The following CLPTM1L variants were observed in gnomAD, a reference collection of about 807,000 sequenced individuals.
The protein encoded by CLPTM1L is lipid scramblase CLPTM1L.
Under a neutral mutation model 70.9 loss-of-function variants are expected in CLPTM1L, and 38 were observed. The ratio of observed to expected loss-of-function variants is 0.54; its 90% CI spans 0.41 to 0.70. The LOEUF (loss-of-function observed/expected upper bound fraction) is 0.70. Ranked by LOEUF, CLPTM1L falls within the 30% of genes least tolerant of loss-of-function variation. The pLI, the probability that CLPTM1L is intolerant of heterozygous loss-of-function variation, is 0.00. For synonymous variants in CLPTM1L, 339 were observed against 299.9 expected (o/e 1.13, Z -1.35); for missense variants, 652 against 705.9 (o/e 0.92, Z 0.87).
chr5:1,340,407 C>T (rs896478357), intron 3 of CLPTM1L, among the ~76,000 whole-genome samples: 1 of 152,202 alleles, frequency 6.6e-6, no homozygotes, highest in Non-Finnish European at 1.5e-5. Context: ...CGGCTCAGAT[C>T]TGATACATCC....
rs569276092 is a variant in CLPTM1L, at chr5:1,337,937, G to A, written c.645C>T (p.Ile215=). Residue 215 remains isoleucine (I), a synonymous_variant, in exon 5 of 17, where the codon ATC becomes ATT. Coordinates refer to ENST00000320895, the MANE Select transcript of CLPTM1L (RefSeq NM_030782.5). ...CCTTCACGCGGTTGCTGAGCTGGTC[G>A]ATGAACAGGATGGGCAGGTAATGCA... ...KTVHYLPILF[I]DQLSNRVKDL... 7 of 1,607,466 alleles carry A rather than the reference G, an allele frequency of 4.4e-6. No homozygotes were observed. The highest frequency in any genetic ancestry group is 2.7e-5 in the African/African-American group (2 of 74,892).
At chr5:1,336,991 T>A (rs459961) in intron 5 of CLPTM1L, among the ~76,000 whole-genome samples, 69,435 of 151,930 alleles carry the variant, frequency 0.46, 16,793 homozygotes, top group African/African-American at 0.59. Context: ...CTGTTTCCTC[T>A]TCAACAAAAA....
intron 5 of CLPTM1L, among the ~76,000 whole-genome samples, chr5:1,335,584 C>T (rs989149273): frequency 3.9e-5 from 6 of 152,232 alleles, no homozygotes; most frequent in Non-Finnish European, 2.9e-5. Flanking sequence ...AGTTGGAGAC[C>T]ACGGGACAAG....
chr5:1,343,628 C>T (rs776410684), intron 2 of CLPTM1L, among the ~76,000 whole-genome samples: 1 of 152,232 alleles, frequency 6.6e-6, no homozygotes, highest in Non-Finnish European at 1.5e-5. Flanking sequence ...AGGGCAGGAA[C>T]TGGCTTGAGG....
In CLPTM1L at chr5:1,318,125, A is replaced by C; in HGVS notation, c.*244T>G. 1 of 521,168 alleles carries C rather than the reference A, an allele frequency of 1.9e-6. No individual in the cohort carries two copies. Among genetic ancestry groups the C allele is most frequent in the Non-Finnish European group, 3.4e-6 (1 of 296,644 alleles). 32.3% of individuals were successfully genotyped at this position (521,168 alleles called of 1,614,324 possible). A position where few individuals can be genotyped will look rare whatever the true frequency, so the allele number is the denominator to read the frequency against. On this transcript the variant is annotated 3_prime_UTR_variant, in exon 17 of 17. Coordinates refer to ENST00000320895, the MANE Select transcript of CLPTM1L (RefSeq NM_030782.5). This position sits in a 1 kb window ranked among gnomAD's most constrained non-coding sequence, Gnocchi z 8.9. Reference sequence around the variant, plus strand: ...CCCGGACACTCGTGTGCCGGGAGCCACCACAGCTCAAGGTGACCGGCAGCA... The same window carrying C: ...CCCGGACACTCGTGTGCCGGGAGCCCCCACAGCTCAAGGTGACCGGCAGCA...
chr5:1,324,540 G>C (rs543381452), intron 11 of CLPTM1L, among the ~76,000 whole-genome samples: 1 of 152,254 alleles, frequency 6.6e-6, no homozygotes, highest in Admixed American at 6.5e-5. Context: ...CGGTGACACA[G>C]GCAGGCTGTG....
chr5:1,336,829 G>T (rs1399249283), intron 5 of CLPTM1L, among the ~76,000 whole-genome samples: 6 of 152,304 alleles, frequency 3.9e-5, no homozygotes, highest in African/African-American at 1.4e-4. Flanking sequence ...ACTGCAAGGG[G>T]TCTGAGGGAA....
At chr5:1,343,375 G>A (rs1390007220) in intron 2 of CLPTM1L, among the ~76,000 whole-genome samples, 1 of 152,220 alleles carries the variant, frequency 6.6e-6, no homozygotes, top group Non-Finnish European at 1.5e-5. Flanking sequence ...GCGGAGCTGT[G>A]TTAAGAGTGC....
intron 3 of CLPTM1L, among the ~76,000 whole-genome samples, chr5:1,341,249 A>G (rs549080717): frequency 6.6e-6 from 1 of 152,210 alleles, no homozygotes; most frequent in East Asian, 1.9e-4. Flanking sequence ...CTCCAATTAC[A>G]TTCTTAGAAT....
intron 4 of CLPTM1L, chr5:1,338,466 T>C (rs139998324): frequency 9.1e-5 from 25 of 274,432 alleles, no homozygotes; most frequent in African/African-American, 5.4e-4. Context: ...GCCAAACACG[T>C]GAATTCCAAT....
chr5:1,333,017 GACACACCGGATAAGGGGGGACTACTGTAT>G lies in CLPTM1L; in HGVS notation c.892-1163_892-1135del, dbSNP rs1561243194. Among the ~76,000 whole-genome samples, 7 of 96,970 alleles carry G rather than the reference GACACACCGGATAAGGGGGGACTACTGTAT, an allele frequency of 7.2e-5. No individual in the cohort carries two copies. In the South Asian group the frequency reaches 1.8e-3, roughly 26 times the overall value. The allele number at this position is 96,970 out of a possible 152,430, so 63.6% of individuals were successfully genotyped here. A position where few individuals can be genotyped will look rare whatever the true frequency, so the allele number is the denominator to read the frequency against. ...ATGAGGATAAGGGGGGAATACTGTA[GACACACCGGATAAGGGGGGACTACTGTAT>G]ACACACCGGATGAGGATAAGGGGGG... On this transcript the variant is annotated intron_variant, in intron 7 of 16. Coordinates refer to ENST00000320895, the MANE Select transcript of CLPTM1L (RefSeq NM_030782.5).
rs5865369 is a variant in CLPTM1L at position 1,334,392 on chromosome 5, GA to G, written c.797-10del. On this transcript the variant is annotated splice_polypyrimidine_tract_variant and intron_variant, in intron 6 of 16. Transcript: ENST00000320895. ...ATCTTTCTCTGAAAACCCTGTCAAG[GA>G]AAAAAAAACATACAATATAAAACAG... The G allele has an allele frequency of 0.57, 843,440 of 1,474,794 alleles. 250,399 individuals are homozygous for G. Among genetic ancestry groups the G allele is most frequent in the East Asian group, 0.83 (36,677 of 43,962 alleles). The allele number at this position is 1,474,794 out of a possible 1,614,324, so 91.4% of individuals were successfully genotyped here.
At chr5:1,333,454 T>G (rs376493172) in intron 7 of CLPTM1L, among the ~76,000 whole-genome samples, 2 of 17,732 alleles carry the variant, frequency 1.1e-4, no homozygotes, top group Admixed American at 9.7e-4. Flanking sequence ...GTATACACAT[T>G]GGATGAGGAT....
chr5:1,341,689 G>C lies in CLPTM1L; in HGVS notation c.435C>G (p.Thr145=), dbSNP rs566053718. The change falls in exon 3 of 17, where the codon ACC becomes ACG. Residue 145 remains threonine (T), a synonymous_variant. Coordinates refer to ENST00000320895, the MANE Select transcript of CLPTM1L (RefSeq NM_030782.5). ...CCCTCACCTGTGTATCAGACTCCCCGGTGAGCAGGTTGATTTCTTCTGGCT... is the reference window on the plus strand; with the variant it reads ...CCCTCACCTGTGTATCAGACTCCCCCGTGAGCAGGTTGATTTCTTCTGGCT... ...VPKPEEINLL[T]GESDTQQIEA... 1 of 1,609,964 alleles carries C rather than the reference G, an allele frequency of 6.2e-7. No homozygotes were observed. The highest frequency in any genetic ancestry group is 8.5e-7 in the Non-Finnish European group (1 of 1,176,758).
Position 1,338,895 on chromosome 5 carries a change from G to A in CLPTM1L, c.564C>T (p.Ser188=). 6.2e-7 allele frequency: 1 copy of A among 1,613,354 alleles called. No homozygotes were observed. The highest frequency in any genetic ancestry group is 8.5e-7 in the Non-Finnish European group (1 of 1,180,046). Residue 188 remains serine (S), a synonymous_variant, in exon 4 of 17, where the codon TCC becomes TCT. Coordinates refer to ENST00000320895, the MANE Select transcript of CLPTM1L (RefSeq NM_030782.5). The part of the protein sequence containing the change: ...VMADNFVFDG[S]SLPADVHRYM... ...ACCGATGCACATCGGCAGGCAGGGA[G>A]GACCCGTCAAAGACAAAGTTGTCCG...
In CLPTM1L at chr5:1,320,629, G is replaced by A. The variant is rs1027664698; in HGVS notation, c.1519C>T (p.Leu507=). The A allele has an allele frequency of 1.3e-6, 2 of 1,541,508 alleles. No homozygotes were observed. The highest frequency in any genetic ancestry group is 1.8e-6 in the Non-Finnish European group (2 of 1,141,160). ...AGCCGCACTCACCACCGCTGGTACA[G>A]GTAGACCAGAAACACCACGTCGTCC... The part of the protein sequence containing the change: ...FRDDVVFLVY[L]YQRWLYPVDK... The change falls in exon 16 of 17, where the codon CTG becomes TTG. Residue 507 remains leucine, a synonymous_variant. Coordinates refer to ENST00000320895, the MANE Select transcript of CLPTM1L (RefSeq NM_030782.5).
At position 1,344,575 on chromosome 5, in the gene CLPTM1L, C is replaced by T. The variant is rs1019587426; in HGVS notation, c.162+105G>A. 165 of 1,463,618 alleles carry T rather than the reference C, an allele frequency of 1.1e-4. 1 individual carries two copies. Among genetic ancestry groups the T allele is most frequent in the Non-Finnish European group, 1.4e-4 (153 of 1,072,366 alleles). The allele number at this position is 1,463,618 out of a possible 1,614,324, so 90.7% of individuals were successfully genotyped here. A position where few individuals can be genotyped will look rare whatever the true frequency, so the allele number is the denominator to read the frequency against. ...GGAACCAGGAAAGGTTCCATCTCGA[C>T]TCGCGCGGCCACAGCTCCGAACTGG... On this transcript the variant is annotated intron_variant, in intron 1 of 16. Coordinates refer to ENST00000320895, the MANE Select transcript of CLPTM1L (RefSeq NM_030782.5).
chr5:1,340,727 T>C (rs1186144126), intron 3 of CLPTM1L, among the ~76,000 whole-genome samples: 2 of 152,230 alleles, frequency 1.3e-5, no homozygotes, highest in East Asian at 3.8e-4. Flanking sequence ...GAGACCTCTC[T>C]TTCTCTCTGT....
intron 6 of CLPTM1L, 61 bp downstream of exon 6, chr5:1,334,996 T>C (rs1208829489): frequency 3.0e-6 from 4 of 1,338,458 alleles, no homozygotes; most frequent in Non-Finnish European, 4.3e-6. Flanking sequence ...GGATTCGCAC[T>C]TGGATGCCCG....
Sources: gnomAD v4.1 joint callset for allele counts (sites outside exome capture counted in the v4.1 genomes callset) on GRCh38, gnomAD v4.1.1 for gene constraint, Gnocchi (gnomAD v3.1) non-coding constraint, MANE v1.5 for transcripts, NCBI Gene and HGNC (gene_info 2026-07-23, HGNC 2026-07-21) for gene names.